HECW1: variants seen among roughly 807,000 people sequenced by gnomAD.
HECW1 encodes HECT, C2 and WW domain containing E3 ubiquitin protein ligase 1.
In HECW1, 61 loss-of-function variants were observed where a neutral mutation model predicts 182.3. That is an observed-to-expected ratio of 0.33 (90% CI 0.27 to 0.41). The LOEUF (loss-of-function observed/expected upper bound fraction) is 0.41. Ranked by LOEUF, HECW1 falls within the 10% of genes least tolerant of loss-of-function variation. The probability of loss-of-function intolerance (pLI) is 1.00; values close to 1 mark genes in which losing one functional copy is unlikely to be tolerated. For synonymous variants in HECW1, 859 were observed against 832.6 expected, an observed-to-expected ratio of 1.03 and a Z score of -0.55; for missense variants, 1,739 against 2,108.9, an observed-to-expected ratio of 0.82 and a Z score of 3.44.
chr7:43,173,397 C>G (rs1015162981), intron 2 of HECW1, among the ~76,000 whole-genome samples: 7 of 152,160 alleles, frequency 4.6e-5, no homozygotes, highest in Admixed American at 4.6e-4. Context: ...TGGCTGTCCA[C>G]CCCTCCCCAT....
In HECW1 at chr7:43,563,593, G is replaced by A. The variant is rs983381407; in HGVS notation, c.*1667G>A. ...CTACACTCTAAAGCATTCCGGCCAGGAGCGGTGGCTCATGCCTGTAATCCC... is the reference window on the plus strand; with the variant it reads ...CTACACTCTAAAGCATTCCGGCCAGAAGCGGTGGCTCATGCCTGTAATCCC... On this transcript the variant is annotated 3_prime_UTR_variant, in exon 30 of 30. Transcript: ENST00000395891. The A allele has an allele frequency of 2.7e-5, 5 of 186,926 alleles. No individual in the cohort carries two copies. Among genetic ancestry groups the A allele is most frequent in the Non-Finnish European group, 5.6e-5 (5 of 88,726 alleles). The allele number at this position is 186,926 out of a possible 1,614,324, so 11.6% of individuals were successfully genotyped here.
intron 24 of HECW1, chr7:43,511,240 C>A (rs3801397): frequency 0.44 from 66,921 of 152,020 alleles, 15,041 homozygotes; most frequent in South Asian, 0.66. Flanking sequence ...TGATGTTCTC[C>A]CTCATGTGGA....
chr7:43,203,896 C>T (rs1795231291), intron 2 of HECW1, among the ~76,000 whole-genome samples: 1 of 152,142 alleles, frequency 6.6e-6, no homozygotes, highest in African/African-American at 2.4e-5. Context: ...GCTGACAATT[C>T]TTGCTATTAT....
At chr7:43,508,637 T>G (rs2079704718) in intron 23 of HECW1, 2 of 319,446 alleles carry the variant, frequency 6.3e-6, no homozygotes. Flanking sequence ...GGAAATTCTT[T>G]TATGTGTCCC....
chr7:43,139,013 C>T (rs13222627), intron 2 of HECW1, among the ~76,000 whole-genome samples: 29 of 152,124 alleles, frequency 1.9e-4, no homozygotes, highest in Middle Eastern at 6.8e-3. Flanking sequence ...GTTTTAATAA[C>T]ATTTAGTATT....
At chr7:43,354,994 AG>A (rs1440581479) in intron 5 of HECW1, among the ~76,000 whole-genome samples, 4 of 151,680 alleles carry the variant, frequency 2.6e-5, no homozygotes, top group African/African-American at 9.7e-5. Context: ...ATAGAGACCA[AG>A]AGGGAGTGAG....
At chr7:43,385,202 TCCCC>T (rs2074723224) in intron 6 of HECW1, among the ~76,000 whole-genome samples, 1 of 21,394 alleles carries the variant, frequency 4.7e-5, no homozygotes, top group Non-Finnish European at 8.3e-5. Flanking sequence ...CCCTCTCCCC[TCCCC>T]TCCCCTCTCC....
intron 16 of HECW1, among the ~76,000 whole-genome samples, chr7:43,474,130 A>G (rs2078127179): frequency 6.6e-6 from 1 of 152,216 alleles, no homozygotes; most frequent in South Asian, 2.1e-4. Flanking sequence ...ATGTATTAAT[A>G]TAATACAAAG....
intron 8 of HECW1, among the ~76,000 whole-genome samples, chr7:43,409,788 G>A (rs910093199): frequency 2.6e-5 from 4 of 152,194 alleles, no homozygotes; most frequent in African/African-American, 9.7e-5. Context: ...GGTTTGTGTT[G>A]CTGCAAAACT....
At chr7:43,213,692 G>A (rs921106738) in intron 2 of HECW1, among the ~76,000 whole-genome samples, 2 of 151,970 alleles carry the variant, frequency 1.3e-5, no homozygotes, top group African/African-American at 2.4e-5. Flanking sequence ...TGATCCACCC[G>A]CCTCAGCCTC....
intron 3 of HECW1, among the ~76,000 whole-genome samples, chr7:43,260,219 A>T (rs1190709536): frequency 2.6e-5 from 4 of 152,202 alleles, no homozygotes; most frequent in African/African-American, 9.7e-5. Context: ...GAGGACAGAT[A>T]ATAGAGGGTA....
In HECW1 at chr7:43,416,216, G is replaced by A. The variant is rs1562952191; in HGVS notation, c.801+8485G>A. Among the ~76,000 whole-genome samples the A allele has an allele frequency of 4.0e-5, 6 of 150,484 alleles. No homozygotes were observed. The South Asian group carries it at 1.2e-3, about 31-fold the overall frequency. On this transcript the variant is annotated intron_variant, in intron 8 of 29. Transcript: ENST00000395891. The stretch of plus-strand genomic sequence containing the variant: ...GTACAGATGGGTTTTCGGTGTGGAT[G>A]TCCTTTCTGTTTGTTAGTTTTCCTT...
In HECW1 at chr7:43,396,828, T is replaced by C. The variant is rs1386904475; in HGVS notation, c.570T>C (p.Ile190=). 3 of 1,612,304 alleles carry C rather than the reference T, an allele frequency of 1.9e-6. No individual in the cohort carries two copies. Among genetic ancestry groups the C allele is most frequent in the Non-Finnish European group, 2.5e-6 (3 of 1,179,342 alleles). The change falls in exon 7 of 30, where the codon ATT becomes ATC. Residue 190 remains isoleucine, a synonymous_variant. Coordinates refer to ENST00000395891, the MANE Select transcript of HECW1 (RefSeq NM_015052.5). ...TCTTTTTACAGATTTTTAAAAGCAT[T>C]GGTGCTGATGAGACCGTCCAAGGAC... is the stretch of plus-strand genomic sequence containing the variant. The part of the protein sequence containing the change: ...KNSAAPIFKS[I]GADETVQGQG...
chr7:43,535,368 G>A (rs752944485), intron 24 of HECW1, among the ~76,000 whole-genome samples: 2 of 152,140 alleles, frequency 1.3e-5, no homozygotes, highest in East Asian at 1.9e-4. Context: ...ATCTCCTGCC[G>A]TAAGAGCCCT....
intron 2 of HECW1, among the ~76,000 whole-genome samples, chr7:43,229,610 C>T (rs6944786): frequency 0.42 from 63,694 of 151,588 alleles, 13,723 homozygotes; most frequent in Middle Eastern, 0.49. Context: ...TCTGCACAGG[C>T]ACACCTGAAC....
chr7:43,523,233 G>C (rs1380423757), intron 24 of HECW1: 1 of 235,550 alleles, frequency 4.2e-6, no homozygotes, highest in African/African-American at 2.4e-5. Context: ...TCGAACTCCT[G>C]ACCTCAGTTG....
chr7:43,436,259 A>T (rs1343617056), intron 8 of HECW1, among the ~76,000 whole-genome samples: 2 of 152,058 alleles, frequency 1.3e-5, no homozygotes, highest in Non-Finnish European at 2.9e-5. Context: ...CCCTTGATTA[A>T]GGGGACTGTA....
At chr7:43,428,327 A>T (rs1039523752) in intron 8 of HECW1, among the ~76,000 whole-genome samples, 24 of 152,198 alleles carry the variant, frequency 1.6e-4, no homozygotes, top group African/African-American at 5.8e-4. Flanking sequence ...CCATTTTTGC[A>T]GTATCATTAT....
chr7:43,462,822 A>G (rs2077634387), intron 13 of HECW1, among the ~76,000 whole-genome samples: 1 of 152,194 alleles, frequency 6.6e-6, no homozygotes, highest in Non-Finnish European at 1.5e-5. Context: ...CCCTTTCCCA[A>G]CAAGCTCCCC....
Sources: allele counts gnomAD v4.1 joint callset (sites outside exome capture counted in the v4.1 genomes callset), GRCh38; gene constraint gnomAD v4.1.1; transcripts MANE v1.5; gene names NCBI Gene and HGNC (gene_info 2026-07-23, HGNC 2026-07-21).